The following ZC3H6 variants were observed in gnomAD, a reference collection of about 807,000 sequenced individuals.
The protein encoded by ZC3H6 is zinc finger CCCH domain-containing protein 6.
A neutral mutation model predicts 107.7 loss-of-function variants in ZC3H6; 40 were observed. That is an observed-to-expected ratio of 0.37 (90% CI 0.29 to 0.48). ZC3H6 has a LOEUF of 0.48. Ranked by LOEUF, ZC3H6 falls within the 20% of genes least tolerant of loss-of-function variation. The pLI, the probability that ZC3H6 is intolerant of heterozygous loss-of-function variation, is 0.98. For synonymous variants in ZC3H6, 493 were observed against 487.9 expected (o/e 1.01, Z -0.14); for missense variants, 1,267 against 1,410.4 (o/e 0.90, Z 1.63).
chr2:112,293,093 C>CA (rs1183754605), intron 1 of ZC3H6, among the ~76,000 whole-genome samples: 1 of 152,052 alleles, frequency 6.6e-6, no homozygotes, highest in African/African-American at 2.4e-5. Flanking sequence ...TTACTTGTAA[C>CA]AAAAGTAAGT....
chr2:112,303,095 A>G lies in ZC3H6; in HGVS notation c.214-134A>G, dbSNP rs1462738796. On this transcript the variant is annotated intron_variant, in intron 2 of 11. Coordinates refer to ENST00000409871, the MANE Select transcript of ZC3H6 (RefSeq NM_198581.3). The stretch of plus-strand genomic sequence containing the variant: ...GTGGCCTTTGGGGCAAGAATTTTTC[A>G]GTAGTACTTCAGAGTCTCCTGGAAT... The G allele has an allele frequency of 2.7e-6, 3 of 1,129,934 alleles. No individual in the cohort carries two copies. In the East Asian group the frequency reaches 7.8e-5, roughly 29 times the overall value. 70.0% of individuals were successfully genotyped at this position (1,129,934 alleles called of 1,614,324 possible).
rs137967510 is a variant in ZC3H6, at chr2:112,327,849, G to T, written c.2086+2652G>T. On this transcript the variant is annotated intron_variant, in intron 11 of 11. Transcript: ENST00000409871. ...GTATGGGTTTCTTTCTGGGTTCTCT[G>T]TTCTGTTCCATTGGTCTATGTGTCT... Among the ~76,000 whole-genome samples, 240 of 152,088 alleles carry T rather than the reference G, an allele frequency of 1.6e-3. 5 individuals are homozygous for T. The highest frequency in any genetic ancestry group is 1.5e-4 in the Non-Finnish European group (10 of 67,944).
chr2:112,286,270 G>A (rs1047782911), intron 1 of ZC3H6: 8 of 328,786 alleles, frequency 2.4e-5, no homozygotes, highest in Non-Finnish European at 4.7e-5. Flanking sequence ...GATTTTCGAT[G>A]AGCCCTCGGC....
Position 112,324,142 on chromosome 2 carries a change from C to T in ZC3H6, c.1341-10C>T. On this transcript the variant is annotated splice_polypyrimidine_tract_variant and intron_variant, in intron 9 of 11. Coordinates refer to ENST00000409871, the MANE Select transcript of ZC3H6 (RefSeq NM_198581.3). ...TTTGAACTAAGAAATATTATTATTT[C>T]TGTCTACAGGCCACCAGCATTTTAT... 6.5e-7 allele frequency: 1 copy of T among 1,541,674 alleles called. No individual in the cohort carries two copies. Among genetic ancestry groups the T allele is most frequent in the Non-Finnish European group, 8.7e-7 (1 of 1,142,884 alleles).
intron 7 of ZC3H6, among the ~76,000 whole-genome samples, chr2:112,319,317 T>C (rs534999237): frequency 6.6e-6 from 1 of 151,894 alleles, no homozygotes; most frequent in African/African-American, 2.4e-5. Context: ...CTGGGTAACA[T>C]AGTGAGACAC....
At chr2:112,327,112 G>T (rs766444428) in intron 11 of ZC3H6, among the ~76,000 whole-genome samples, 1 of 152,136 alleles carries the variant, frequency 6.6e-6, no homozygotes, top group African/African-American at 2.4e-5. Context: ...TCTTCATAGT[G>T]GTCGTACTAA....
Position 112,325,055 on chromosome 2 carries a change from T to C in ZC3H6, c.1944T>C (p.Thr648=), listed in dbSNP as rs1676881860. The C allele has an allele frequency of 6.2e-7, 1 of 1,613,918 alleles. No individual in the cohort carries two copies. The highest frequency in any genetic ancestry group is 8.5e-7 in the Non-Finnish European group (1 of 1,179,852). The part of the protein sequence containing the change: ...NHGSGSDGSS[T]RTGHGPLPVP... ...GGAGTGGGTCTGATGGCAGCAGCAC[T>C]AGGACAGGCCATGGCCCTCTGCCTG... is the stretch of plus-strand genomic sequence containing the variant. Residue 648 remains threonine (T), a synonymous_variant, in exon 11 of 12, where the codon ACT becomes ACC. Coordinates refer to ENST00000409871, the MANE Select transcript of ZC3H6 (RefSeq NM_198581.3).
intron 1 of ZC3H6, among the ~76,000 whole-genome samples, chr2:112,289,485 C>G (rs966994502): frequency 6.6e-6 from 1 of 151,022 alleles, no homozygotes; most frequent in Admixed American, 6.6e-5. Context: ...CAACCACGCC[C>G]AGCTGATTTA....
At chr2:112,315,648 C>T (rs1676683954) in intron 5 of ZC3H6, among the ~76,000 whole-genome samples, 1 of 151,656 alleles carries the variant, frequency 6.6e-6, no homozygotes, top group South Asian at 2.1e-4. Flanking sequence ...GGCAGGAATG[C>T]AGTGGCGTGA....
At chr2:112,284,763 T>A (rs1404621883) in intron 1 of ZC3H6, among the ~76,000 whole-genome samples, 1 of 152,194 alleles carries the variant, frequency 6.6e-6, no homozygotes, top group Non-Finnish European at 1.5e-5. Flanking sequence ...GCAAAAATGA[T>A]TATGTTGTAC....
chr2:112,276,362 C>G (rs1001185355), intron 1 of ZC3H6, among the ~76,000 whole-genome samples: 4 of 151,668 alleles, frequency 2.6e-5, no homozygotes, highest in Non-Finnish European at 5.9e-5. Flanking sequence ...TTCTGCCCGT[C>G]CAGGTGTCGG....
At chr2:112,276,428 T>G (rs1216599137) in intron 1 of ZC3H6, among the ~76,000 whole-genome samples, 1 of 150,526 alleles carries the variant, frequency 6.6e-6, no homozygotes, top group African/African-American at 2.5e-5. Context: ...GTTTTGATAT[T>G]TGACTGCTTC....
intron 1 of ZC3H6, among the ~76,000 whole-genome samples, chr2:112,278,348 C>T (rs545472337): frequency 9.4e-4 from 143 of 152,322 alleles, no homozygotes; most frequent in African/African-American, 3.2e-3. Context: ...GACGGAGTCT[C>T]GCTCTGTCGC....
rs1442099529 is a variant in ZC3H6, at chr2:112,333,543, A to C, written c.*1055A>C. On this transcript the variant is annotated 3_prime_UTR_variant, in exon 12 of 12. Transcript: ENST00000409871. ...ACAGAGGGGATTACCTGGTGTTTTAAGTATTTAATGTCCTCATAGTGTGGA... is the reference window on the plus strand; with the variant it reads ...ACAGAGGGGATTACCTGGTGTTTTACGTATTTAATGTCCTCATAGTGTGGA... The C allele has an allele frequency of 1.3e-5, 2 of 152,208 alleles. No homozygotes were observed. Among genetic ancestry groups the C allele is most frequent in the African/African-American group, 4.8e-5 (2 of 41,452 alleles). 9.4% of individuals were successfully genotyped at this position (152,208 alleles called of 1,614,324 possible).
intron 11 of ZC3H6, among the ~76,000 whole-genome samples, chr2:112,327,137 A>G (rs1246609058): frequency 6.6e-6 from 1 of 152,180 alleles, no homozygotes; most frequent in East Asian, 1.9e-4. Flanking sequence ...CTTTCCCACC[A>G]ACGGTGTATG....
chr2:112,292,417 A>G (rs112948530), intron 1 of ZC3H6, among the ~76,000 whole-genome samples: 1 of 152,232 alleles, frequency 6.6e-6, no homozygotes, highest in African/African-American at 2.4e-5. Context: ...AATAACAGCT[A>G]TGCAGTGGCA....
chr2:112,290,665 T>G (rs79204240), intron 1 of ZC3H6, among the ~76,000 whole-genome samples: 1 of 152,230 alleles, frequency 6.6e-6, no homozygotes, highest in Non-Finnish European at 1.5e-5. Context: ...TTTTTTTTTT[T>G]TAGCTGGAAG....
At chr2:112,317,404 A>G in intron 7 of ZC3H6, 72 bp downstream of exon 7, 1 of 811,406 alleles carries the variant, frequency 1.2e-6, no homozygotes, top group East Asian at 3.1e-5. Context: ...TTTAAAAAAT[A>G]ATAAATACAC....
At chr2:112,302,072 C>T (rs980608885) in intron 2 of ZC3H6, among the ~76,000 whole-genome samples, 1 of 151,720 alleles carries the variant, frequency 6.6e-6, no homozygotes, top group Non-Finnish European at 1.5e-5. Context: ...TGTAATCTAC[C>T]CTACCAAGAA....
Sources: gnomAD v4.1 joint callset for allele counts (sites outside exome capture counted in the v4.1 genomes callset) on GRCh38, gnomAD v4.1.1 for gene constraint, MANE v1.5 for transcripts, NCBI Gene and HGNC (gene_info 2026-07-23, HGNC 2026-07-21) for gene names.